The following GTF3C1 variants were observed in gnomAD, a reference collection of about 807,000 sequenced individuals.
The protein encoded by GTF3C1 is general transcription factor IIIC subunit 1.
Under a neutral mutation model 226.7 loss-of-function variants are expected in GTF3C1, and 57 were observed. That is an observed-to-expected ratio of 0.25 (90% CI 0.20 to 0.31). The LOEUF is 0.31. Ranked by LOEUF, GTF3C1 falls within the 10% of genes least tolerant of loss-of-function variation. The pLI is 1.00. For synonymous variants in GTF3C1, 1,090 were observed against 1,084.8 expected (o/e 1.00, Z -0.09); for missense variants, 2,217 against 2,776.1 (o/e 0.80, Z 4.53).
At chr16:27,501,124 G>A (rs1157976339) in intron 12 of GTF3C1, 67 bp downstream of exon 12, 18 of 1,320,278 alleles carry the variant, frequency 1.4e-5, no homozygotes, top group Non-Finnish European at 1.7e-5. Context: ...GCAATGACAA[G>A]AGAAGCTAGA....
At position 27,486,059 on chromosome 16, in the gene GTF3C1, A is replaced by T; in HGVS notation, c.3796T>A (p.Ser1266Thr). The T allele has an allele frequency of 6.2e-7, 1 of 1,611,554 alleles. No homozygotes were observed. The highest frequency in any genetic ancestry group is 2.2e-5 in the East Asian group (1 of 44,846). ...ACAAGCAGCCCATCCTCCTGCATAG[A>T]CCAGGTGACACGAAGCCGCGTCATC... ...QRMTRLRVTW[S>T]MQEDGLLVLC... The change falls in exon 24 of 37, where the codon TCT (serine) becomes ACT (threonine). Residue 1266 changes from serine to threonine, a missense_variant. Transcript: ENST00000356183.
chr16:27,525,202 A>AAAGAAAAGAAAAGAT (rs1284574172), intron 6 of GTF3C1, among the ~76,000 whole-genome samples: 11 of 151,926 alleles, frequency 7.2e-5, no homozygotes, highest in African/African-American at 2.7e-4. Context: ...AAAGAAAAGA[A>AAAGAAAAGAAAAGAT]AAGATCAAAT....
At position 27,493,151 on chromosome 16, in the gene GTF3C1, G is replaced by A. The variant is rs778854770; in HGVS notation, c.2876+48C>T. ...TGATGGCTTAGAGCCCTGACTTAAGGGTTTGTTTGGACCTGCGACTACTCT... is the reference window on the plus strand; with the variant it reads ...TGATGGCTTAGAGCCCTGACTTAAGAGTTTGTTTGGACCTGCGACTACTCT... On this transcript the variant is annotated intron_variant, in intron 17 of 36. Coordinates refer to ENST00000356183, the MANE Select transcript of GTF3C1 (RefSeq NM_001520.4). 3 of 954,552 alleles carry A rather than the reference G, an allele frequency of 3.1e-6. No individual in the cohort carries two copies. In the African/African-American group the frequency reaches 4.8e-5, roughly 15 times the overall value. 59.1% of individuals were successfully genotyped at this position (954,552 alleles called of 1,614,324 possible). A position where few individuals can be genotyped will look rare whatever the true frequency, so the allele number is the denominator to read the frequency against.
chr16:27,481,414 G>A (rs1596622096), intron 26 of GTF3C1, among the ~76,000 whole-genome samples: 1 of 152,070 alleles, frequency 6.6e-6, no homozygotes, highest in East Asian at 1.9e-4. Flanking sequence ...CAGGAAACTG[G>A]GGTACCTGGT....
chr16:27,542,762 G>A (rs895595177), intron 2 of GTF3C1, among the ~76,000 whole-genome samples: 7 of 152,150 alleles, frequency 4.6e-5, no homozygotes, highest in Non-Finnish European at 1.0e-4. Context: ...TGTCCTCCGG[G>A]TTTTGCCCCT....
In GTF3C1 at chr16:27,533,351, C is replaced by G; in HGVS notation, c.789G>C (p.Ser263=). 1 of 1,608,682 alleles carries G rather than the reference C, an allele frequency of 6.2e-7. No individual in the cohort carries two copies. Among genetic ancestry groups the G allele is most frequent in the South Asian group, 1.1e-5 (1 of 90,972 alleles). ...GGTTAGTCCGTGTGCTCAGCATGAC[C>G]GAAAGCTTCTCCATGAGGATGTCGT... is the stretch of plus-strand genomic sequence containing the variant. ...SKYDILMEKL[S]VMLSTRTNHI... The change falls in exon 5 of 37, where the codon TCG becomes TCC. Residue 263 remains serine, a synonymous_variant. Coordinates refer to ENST00000356183, the MANE Select transcript of GTF3C1 (RefSeq NM_001520.4).
At chr16:27,530,819 C>G (rs892077806) in intron 5 of GTF3C1, among the ~76,000 whole-genome samples, 3 of 152,182 alleles carry the variant, frequency 2.0e-5, no homozygotes, top group Admixed American at 6.5e-5. Context: ...AGACATGATC[C>G]CTGCGTCAGA....
chr16:27,506,858 G>T lies in GTF3C1; in HGVS notation c.1541C>A (p.Thr514Asn). ...CACGTGCTCCCTACCCTTGGTTGGG[G>T]TGGAGTGATGAGGCTGGGTCTTGGG... ...LRPKTQPHHS[T>N]PTKGGWKVVN... Residue 514 changes from threonine (T) to asparagine (N), a missense_variant, in exon 9 of 37, where the codon ACC (threonine) becomes AAC (asparagine). Coordinates refer to ENST00000356183, the MANE Select transcript of GTF3C1 (RefSeq NM_001520.4). 3 of 1,608,236 alleles carry T rather than the reference G, an allele frequency of 1.9e-6. No homozygotes were observed. The highest frequency in any genetic ancestry group is 2.5e-6 in the Non-Finnish European group (3 of 1,177,194).
chr16:27,493,106 C>A, intron 17 of GTF3C1, 93 bp downstream of exon 17: 3 of 735,716 alleles, frequency 4.1e-6, no homozygotes, highest in Non-Finnish European at 7.4e-6. Flanking sequence ...AGTTAGAAAC[C>A]TTTTCCTCTT....
intron 26 of GTF3C1, among the ~76,000 whole-genome samples, chr16:27,481,602 A>G (rs1208596340): frequency 6.6e-6 from 1 of 151,868 alleles, no homozygotes; most frequent in Admixed American, 6.6e-5. Flanking sequence ...CTCACACTCC[A>G]CGGGTGGCCC....
rs1162381992 is a variant in GTF3C1, at chr16:27,483,106, A to G, written c.4021T>C (p.Tyr1341His). The change falls in exon 26 of 37, where the codon TAC becomes CAC. Residue 1341 changes from tyrosine to histidine, a missense_variant. Physicochemically the swap from Tyr to His is moderately conservative, Grantham distance 83. Around this residue, in one of 12 missense-constraint regions of GTF3C1, gnomAD observed 546 missense variants for 663.0 expected, o/e 0.82. Transcript: ENST00000356183. ...TCTCCAACAAGTGCTTTATCCTGGT[A>G]CACCTCGGCCAGGCACACTCTGCAG... ...LNYKVCLAEV[Y>H]QDKALVGDFM... The G allele has an allele frequency of 1.2e-6, 2 of 1,614,180 alleles. No homozygotes were observed. The highest frequency in any genetic ancestry group is 4.5e-5 in the East Asian group (2 of 44,878).
chr16:27,492,464 C>T lies in GTF3C1; in HGVS notation c.3025G>A (p.Asp1009Asn), dbSNP rs926212521. The change falls in exon 19 of 37, where the codon GAC (aspartate) becomes AAC (asparagine). Residue 1009 changes from aspartate (D) to asparagine (N), a missense_variant. Physicochemically the swap from Asp to Asn is conservative, Grantham distance 23. Around this residue, in one of 12 missense-constraint regions of GTF3C1, gnomAD observed 353 missense variants for 411.7 expected, o/e 0.86. Transcript: ENST00000356183. This position sits in a 1 kb window ranked among gnomAD's most constrained non-coding sequence, Gnocchi z 5.0. ...NAVIVDTTIC[D>N]PHYNLARSSR... ...CTGCGGGCCAGGTTGTAATGTGGGT[C>T]GCAGATGGTAGTGTCAACAATGACT... The T allele has an allele frequency of 3.0e-5, 48 of 1,613,126 alleles. No homozygotes were observed. Among genetic ancestry groups the T allele is most frequent in the Non-Finnish European group, 4.1e-5 (48 of 1,179,316 alleles).
At position 27,471,806 on chromosome 16, in the gene GTF3C1, T is replaced by C; in HGVS notation, c.4468A>G (p.Lys1490Glu). The change falls in exon 30 of 37, where the codon AAG becomes GAG. Residue 1490 changes from lysine to glutamate, a missense_variant. Lys to Glu is a moderately conservative substitution (Grantham distance 56, BLOSUM62 1). Around this residue, in one of 12 missense-constraint regions of GTF3C1, gnomAD observed 546 missense variants for 663.0 expected, o/e 0.82. Transcript: ENST00000356183. This position sits in a 1 kb window ranked among gnomAD's most constrained non-coding sequence, Gnocchi z 5.0. ...RRVNHTLGPKKNRALPFVPMS... is the reference protein window; with the variant it reads ...RRVNHTLGPKENRALPFVPMS... ...GGCACGAAGGGGAGGGCCCGGTTCT[T>C]CTTGGGGCCCAGCGTGTGGTTGACC... The C allele has an allele frequency of 6.2e-7, 1 of 1,613,976 alleles. No homozygotes were observed. The highest frequency in any genetic ancestry group is 8.5e-7 in the Non-Finnish European group (1 of 1,179,908).
At chr16:27,488,177 A>C in intron 23 of GTF3C1, 50 bp downstream of exon 23, 1 of 1,539,954 alleles carries the variant, frequency 6.5e-7, no homozygotes, top group South Asian at 1.2e-5. Context: ...GCACATCTCC[A>C]AGCCAAAACA....
intron 34 of GTF3C1, 170 bp downstream of exon 34, chr16:27,464,150 C>T: frequency 2.2e-6 from 1 of 462,718 alleles, no homozygotes; most frequent in South Asian, 5.6e-5. Flanking sequence ...AATGCATTTA[C>T]AGGCAGTATC....
At chr16:27,498,278 T>G (rs371132841) in intron 13 of GTF3C1, among the ~76,000 whole-genome samples, 2 of 152,296 alleles carry the variant, frequency 1.3e-5, no homozygotes, top group East Asian at 3.9e-4. Flanking sequence ...GAGTTTTCTC[T>G]CAGCTCATTA....
intron 4 of GTF3C1, among the ~76,000 whole-genome samples, chr16:27,533,992 C>A (rs562415913): frequency 6.6e-6 from 1 of 151,970 alleles, no homozygotes; most frequent in African/African-American, 2.4e-5. Flanking sequence ...GGTGACAGAG[C>A]GAGACTCCAT....
intron 24 of GTF3C1, among the ~76,000 whole-genome samples, chr16:27,484,852 G>T (rs543603078): frequency 6.6e-6 from 1 of 152,206 alleles, no homozygotes; most frequent in African/African-American, 2.4e-5. Context: ...TGAGAAAGCC[G>T]CTTGACGAGT....
At position 27,461,694 on chromosome 16, in the gene GTF3C1, G is replaced by T; in HGVS notation, c.6118-132C>A. On this transcript the variant is annotated intron_variant, in intron 36 of 36. Coordinates refer to ENST00000356183, the MANE Select transcript of GTF3C1 (RefSeq NM_001520.4). This position sits in a 1 kb window ranked among gnomAD's most constrained non-coding sequence, Gnocchi z 5.3. ...CCAGAGCAGGGGGCACCTGAACTGG[G>T]CATGAGGCAGATGGGGATGTACCAG... 1.5e-6 allele frequency: 1 copy of T among 674,856 alleles called. No homozygotes were observed. Among genetic ancestry groups the T allele is most frequent in the Non-Finnish European group, 2.6e-6 (1 of 387,318 alleles). 41.8% of individuals were successfully genotyped at this position (674,856 alleles called of 1,614,324 possible). A position where few individuals can be genotyped will look rare whatever the true frequency, so the allele number is the denominator to read the frequency against.
Sources: gnomAD v4.1 joint callset for allele counts (sites outside exome capture counted in the v4.1 genomes callset) on GRCh38, gnomAD v4.1.1 for gene constraint, gnomAD v4.1.1 regional missense constraint, Gnocchi (gnomAD v3.1) non-coding constraint, MANE v1.5 for transcripts, NCBI Gene and HGNC (gene_info 2026-07-23, HGNC 2026-07-21) for gene names.